The following ARNT variants were observed in gnomAD, a reference collection of about 807,000 sequenced individuals.
The protein encoded by ARNT is aryl hydrocarbon receptor nuclear translocator, also known as class E basic helix-loop-helix protein 2.
A neutral mutation model predicts 105.0 loss-of-function variants in ARNT; 30 were observed. The ratio of observed to expected loss-of-function variants is 0.29; its 90% CI spans 0.21 to 0.39. The LOEUF is 0.39. Among genes scored for constraint, ARNT ranks in the 10% least tolerant of loss-of-function variants. The pLI is 1.00. For synonymous variants in ARNT, 304 were observed against 344.0 expected, an observed-to-expected ratio of 0.88 and a Z score of 1.29; for missense variants, 748 against 978.7, an observed-to-expected ratio of 0.76 and a Z score of 3.15.
intron 1 of ARNT, among the ~76,000 whole-genome samples, chr1:150,875,492 G>A (rs1483674630): frequency 2.6e-5 from 4 of 151,258 alleles, no homozygotes; most frequent in Admixed American, 6.6e-5. Context: ...GAAATTCTCC[G>A]CCCCACGCAA....
At chr1:150,855,827 C>T (rs587682322) in intron 2 of ARNT, among the ~76,000 whole-genome samples, 58 of 151,648 alleles carry the variant, frequency 3.8e-4, no homozygotes, top group South Asian at 2.7e-3. Context: ...GCTTCCTGGG[C>T]CCAAGAAGTT....
chr1:150,814,091 C>T lies in ARNT; in HGVS notation c.2099G>A (p.Arg700His), dbSNP rs192996355. 1.8e-5 allele frequency: 29 copies of T among 1,614,056 alleles called. No homozygotes were observed. In the Admixed American group the frequency reaches 3.7e-4, roughly 20 times the overall value. ...GAAAYPSLTN[R>H]GSNFAPETGQ... ...TCTGGACTCACCAAAGTTAGATCCA[C>T]GATTGGTGAGACTAGGGTAGGCAGC... The change falls in exon 20 of 22, where the codon CGT (arginine) becomes CAT (histidine). Residue 700 changes from arginine to histidine, a missense_variant. By Grantham distance (29) the Arg-to-His change is conservative. Coordinates refer to ENST00000358595, the MANE Select transcript of ARNT (RefSeq NM_001668.4).
intron 5 of ARNT, chr1:150,842,112 T>C: frequency 4.9e-6 from 1 of 206,044 alleles, no homozygotes; most frequent in South Asian, 1.7e-4. Flanking sequence ...AAGCACCAAC[T>C]GGCACGGTTG....
rs768633994 is a variant in ARNT, at chr1:150,816,773, A to G, written c.1802+15T>C. On this transcript the variant is annotated intron_variant, in intron 18 of 21. Transcript: ENST00000358595. ...CTCAGGGCCCTGTAAAGCAGCACATATATACGGGGCTCACCTGAAATTCTC... is the reference window on the plus strand; with the variant it reads ...CTCAGGGCCCTGTAAAGCAGCACATGTATACGGGGCTCACCTGAAATTCTC... 2 of 1,570,430 alleles carry G rather than the reference A, an allele frequency of 1.3e-6. No individual in the cohort carries two copies. The highest frequency in any genetic ancestry group is 1.4e-5 in the African/African-American group (1 of 72,254).
intron 2 of ARNT, among the ~76,000 whole-genome samples, chr1:150,856,705 G>A (rs587709240): frequency 5.9e-5 from 9 of 152,322 alleles, no homozygotes; most frequent in Non-Finnish European, 1.0e-4. Flanking sequence ...GGAGATTGCA[G>A]TGAGCCAAGA....
intron 4 of ARNT, among the ~76,000 whole-genome samples, chr1:150,846,062 T>C (rs977569395): frequency 2.9e-4 from 44 of 152,254 alleles, no homozygotes; most frequent in African/African-American, 1.0e-3. Flanking sequence ...CTGTATAAAA[T>C]ATACCGCCAG....
intron 1 of ARNT, among the ~76,000 whole-genome samples, chr1:150,875,087 A>G (rs760833917): frequency 3.3e-4 from 50 of 152,220 alleles, no homozygotes; most frequent in Non-Finnish European, 6.5e-4. Context: ...AGTATTTTGC[A>G]ATGTGTGATC....
At chr1:150,825,874 A>T (rs1658131345) in intron 13 of ARNT, among the ~76,000 whole-genome samples, 1 of 150,592 alleles carries the variant, frequency 6.6e-6, no homozygotes, top group East Asian at 1.9e-4. Flanking sequence ...TATAAAATGA[A>T]TTTTTCTACT....
chr1:150,814,229 G>T lies in ARNT; in HGVS notation c.1961C>A (p.Thr654Asn). 2 of 1,613,974 alleles carry T rather than the reference G, an allele frequency of 1.2e-6. No individual in the cohort carries two copies. The highest frequency in any genetic ancestry group is 1.7e-6 in the Non-Finnish European group (2 of 1,179,952). ...AGTACGAGTCTTAGCAGTAGCCTGG[G>T]TAGCCACCTGCTAAAGAGAGATGGA... ...RSGFSAQQVA[T>N]QATAKTRTSQ... The change falls in exon 20 of 22, where the codon ACC becomes AAC. Residue 654 changes from threonine to asparagine, a missense_variant. Coordinates refer to ENST00000358595, the MANE Select transcript of ARNT (RefSeq NM_001668.4).
intron 18 of ARNT, 60 bp downstream of exon 18, chr1:150,816,728 T>C (rs1655952786): frequency 6.8e-7 from 1 of 1,469,832 alleles, no homozygotes; most frequent in Non-Finnish European, 9.1e-7. Context: ...GAATAAAATT[T>C]GGATTCAGCA....
rs1442931992 is a variant in ARNT, at chr1:150,817,427, C to A, written c.1512G>T (p.Gln504His). The A allele has an allele frequency of 7.4e-6, 12 of 1,613,952 alleles. No individual in the cohort carries two copies. Among genetic ancestry groups the A allele is most frequent in the Non-Finnish European group, 1.0e-5 (12 of 1,180,010 alleles). ...MGSGQLAPRQQQQQTELDMVP... is the reference protein window; with the variant it reads ...MGSGQLAPRQHQQQTELDMVP... ...CCATGTCCAATTCTGTTTGCTGTTG[C>A]TGCTGCCTATATGTCAAAGGCCAGT... Residue 504 changes from glutamine to histidine, a missense_variant, in exon 16 of 22, where the codon CAG becomes CAT. Physicochemically the swap from Gln to His is conservative, Grantham distance 24. Around this residue, in one of 4 missense-constraint regions of ARNT, gnomAD observed 360 missense variants for 411.9 expected, o/e 0.87. Transcript: ENST00000358595.
chr1:150,828,965 A>G, intron 12 of ARNT, 128 bp downstream of exon 12: 1 of 1,130,204 alleles, frequency 8.8e-7, no homozygotes, highest in Non-Finnish European at 1.2e-6. Flanking sequence ...TTAGGTACTA[A>G]CAGAATATGA....
chr1:150,847,872 T>C (rs934586713), intron 3 of ARNT, among the ~76,000 whole-genome samples: 2 of 152,230 alleles, frequency 1.3e-5, no homozygotes, highest in African/African-American at 4.8e-5. Flanking sequence ...TTCTTTATGA[T>C]GGCCAAGTCA....
intron 1 of ARNT, among the ~76,000 whole-genome samples, chr1:150,864,709 A>G (rs1210225048): frequency 2.0e-5 from 3 of 149,496 alleles, no homozygotes; most frequent in African/African-American, 2.5e-5. Context: ...ACATGTATAC[A>G]TATGTAACTA....
At chr1:150,867,383 A>C (rs1029360195) in intron 1 of ARNT, among the ~76,000 whole-genome samples, 1 of 151,776 alleles carries the variant, frequency 6.6e-6, no homozygotes. Flanking sequence ...AAAAAAAAAA[A>C]AACTATTCAA....
chr1:150,875,469 GTTTTA>G (rs1668106528), intron 1 of ARNT, among the ~76,000 whole-genome samples: 1 of 151,984 alleles, frequency 6.6e-6, no homozygotes, highest in Non-Finnish European at 1.5e-5. Flanking sequence ...CACTCCTACT[GTTTTA>G]TTTTCAAGAA....
chr1:150,867,231 A>AC (rs397952523), intron 1 of ARNT, among the ~76,000 whole-genome samples: 3 of 151,270 alleles, frequency 2.0e-5, no homozygotes, highest in Admixed American at 6.6e-5. Context: ...ACAAAAAAAA[A>AC]CAGATTACTC....
At chr1:150,874,018 T>TAAAAAAAAAAAAAAAAAAAAAAAAAA in intron 1 of ARNT, among the ~76,000 whole-genome samples, 1 of 64,420 alleles carries the variant, frequency 1.6e-5, no homozygotes, top group South Asian at 6.3e-4. Context: ...ACAAGAATTG[T>TAAAAAAAAAAAAAAAAAAAAAAAAAA]AAAAAAAAAA....
chr1:150,838,918 T>A (rs1199287750), intron 6 of ARNT, among the ~76,000 whole-genome samples: 2 of 152,236 alleles, frequency 1.3e-5, no homozygotes, highest in Non-Finnish European at 2.9e-5. Context: ...GCCACTCACA[T>A]ACTTATATTC....
Sources: gnomAD v4.1 joint callset for allele counts (sites outside exome capture counted in the v4.1 genomes callset) on GRCh38, gnomAD v4.1.1 for gene constraint, gnomAD v4.1.1 regional missense constraint, MANE v1.5 for transcripts, NCBI Gene and HGNC (gene_info 2026-07-23, HGNC 2026-07-21) for gene names.